Variants in DIP2C observed in about 807,000 individuals in gnomAD.
The protein encoded by DIP2C is DIP2 acetate--CoA ligase C (putative).
Under a neutral mutation model 192.4 loss-of-function variants are expected in DIP2C, and 33 were observed. The observed-to-expected ratio is 0.17, with a 90% CI of 0.13 to 0.23. The LOEUF (loss-of-function observed/expected upper bound fraction) is 0.23. Ranked by LOEUF, DIP2C falls within the 10% of genes least tolerant of loss-of-function variation. The pLI is 1.00. For synonymous variants in DIP2C, 979 were observed against 864.1 expected, an observed-to-expected ratio of 1.13 and a Z score of -2.33; for missense variants, 1,537 against 2,110.1, an observed-to-expected ratio of 0.73 and a Z score of 5.32.
At chr10:343,859 C>G (rs969648366) in intron 28 of DIP2C, among the ~76,000 whole-genome samples, 1 of 152,118 alleles carries the variant, frequency 6.6e-6, no homozygotes, top group Non-Finnish European at 1.5e-5. Flanking sequence ...GGAGATGAAC[C>G]GAAGAGTAAG....
At chr10:610,066 G>A (rs998992898) in intron 1 of DIP2C, among the ~76,000 whole-genome samples, 3 of 152,186 alleles carry the variant, frequency 2.0e-5, no homozygotes, top group Non-Finnish European at 2.9e-5. Flanking sequence ...GCCAAGATCC[G>A]GAATCACCTG....
intron 1 of DIP2C, among the ~76,000 whole-genome samples, chr10:524,006 T>G (rs1020607751): frequency 1.3e-5 from 2 of 152,156 alleles, no homozygotes; most frequent in Non-Finnish European, 2.9e-5. Context: ...TGGCTGGGGC[T>G]TCCCATAAGC....
chr10:332,978 A>G (rs1957570444), intron 29 of DIP2C, among the ~76,000 whole-genome samples: 1 of 152,164 alleles, frequency 6.6e-6, no homozygotes, highest in Non-Finnish European at 1.5e-5. Flanking sequence ...TCTTGGCTCA[A>G]TGCAACCTCT....
rs1169569129 is a variant in DIP2C, at chr10:436,858, C to A, written c.394+4013G>T. 8.2e-5 allele frequency among the ~76,000 whole-genome samples: 12 copies of A among 146,278 alleles called. No individual in the cohort carries two copies. In the East Asian group the frequency reaches 1.6e-3, roughly 20 times the overall value. ...ACACCTGAGCTCTCTCTGAGCTCCA[C>A]CTCCTGGACATGGTAGGGTGATATG... On this transcript the variant is annotated intron_variant, in intron 4 of 36. Transcript: ENST00000280886.
chr10:610,145 G>C (rs1199478919), intron 1 of DIP2C, among the ~76,000 whole-genome samples: 1 of 152,168 alleles, frequency 6.6e-6, no homozygotes, highest in Non-Finnish European at 1.5e-5. Context: ...CCACCACACA[G>C]AGGAGAGAGC....
At chr10:631,692 G>T (rs769006995) in intron 1 of DIP2C, among the ~76,000 whole-genome samples, 24 of 152,084 alleles carry the variant, frequency 1.6e-4, no homozygotes, top group Non-Finnish European at 3.1e-4. Flanking sequence ...CACTTCTCCA[G>T]CCAACCCCTT....
At chr10:479,330 T>TTC in intron 2 of DIP2C, among the ~76,000 whole-genome samples, 1 of 110,842 alleles carries the variant, frequency 9.0e-6, no homozygotes, top group Non-Finnish European at 1.7e-5. Flanking sequence ...TCACACTGCT[T>TTC]TTTTTTTTTT....
chr10:287,109 CT>C (rs111949962), intron 33 of DIP2C, among the ~76,000 whole-genome samples: 63 of 146,810 alleles, frequency 4.3e-4, no homozygotes, highest in African/African-American at 3.7e-4. Flanking sequence ...GCATTTCCTT[CT>C]TTTTTTTTTT....
At chr10:348,455 C>A (rs868341008) in intron 26 of DIP2C, among the ~76,000 whole-genome samples, 186 bp downstream of exon 26, 1 of 152,288 alleles carries the variant, frequency 6.6e-6, no homozygotes, top group Middle Eastern at 3.4e-3. Flanking sequence ...CACACGTTTA[C>A]ATCTCGCTTC....
chr10:345,582 T>C (rs78620017), intron 26 of DIP2C, among the ~76,000 whole-genome samples: 855 of 67,868 alleles, frequency 0.013, no homozygotes, highest in Middle Eastern at 0.016. Context: ...CCAGACACAC[T>C]GCGCATAGTT....
At chr10:481,528 G>C (rs1843606418) in intron 2 of DIP2C, among the ~76,000 whole-genome samples, 1 of 152,210 alleles carries the variant, frequency 6.6e-6, no homozygotes, top group South Asian at 2.1e-4. Context: ...GTTCTGAAAA[G>C]ATAATAAAAT....
chr10:383,581 T>C (rs1454217133), intron 16 of DIP2C, among the ~76,000 whole-genome samples: 3 of 152,238 alleles, frequency 2.0e-5, no homozygotes, highest in Admixed American at 6.5e-5. Context: ...ATTAATTTAC[T>C]GATCAAGAAA....
chr10:485,330 A>C (rs746434721), intron 2 of DIP2C, among the ~76,000 whole-genome samples: 6 of 152,178 alleles, frequency 3.9e-5, no homozygotes, highest in Non-Finnish European at 5.9e-5. Context: ...AGAATGAGGG[A>C]GGGGGCGCAG....
chr10:539,053 T>C (rs913179942), intron 1 of DIP2C, among the ~76,000 whole-genome samples: 37 of 152,196 alleles, frequency 2.4e-4, no homozygotes, highest in African/African-American at 8.9e-4. Context: ...ACGAGCTCAG[T>C]TGTCTGTTCA....
intron 1 of DIP2C, among the ~76,000 whole-genome samples, chr10:562,204 A>T (rs1447183542): frequency 6.6e-6 from 1 of 152,212 alleles, no homozygotes; most frequent in Non-Finnish European, 1.5e-5. Flanking sequence ...GCCGCATCTG[A>T]TGTTTAACAC....
intron 1 of DIP2C, among the ~76,000 whole-genome samples, chr10:593,243 A>T (rs1164636033): frequency 6.6e-6 from 1 of 152,008 alleles, no homozygotes; most frequent in African/African-American, 2.4e-5. Context: ...TCTCATCGTC[A>T]TCTGGGGCTC....
chr10:480,983 G>A (rs979185099), intron 2 of DIP2C, among the ~76,000 whole-genome samples: 1 of 152,198 alleles, frequency 6.6e-6, no homozygotes, highest in African/African-American at 2.4e-5. Flanking sequence ...CTGCCACATG[G>A]CCTGAGACCC....
At chr10:537,094 G>T (rs572895460) in intron 1 of DIP2C, among the ~76,000 whole-genome samples, 1 of 152,336 alleles carries the variant, frequency 6.6e-6, no homozygotes, top group East Asian at 1.9e-4. Context: ...GGTCCCAGGT[G>T]AAGTCTGATT....
intron 6 of DIP2C, among the ~76,000 whole-genome samples, chr10:418,819 T>C (rs1228093990): frequency 1.3e-5 from 2 of 152,270 alleles, no homozygotes; most frequent in Non-Finnish European, 2.9e-5. Context: ...TTTCTTTTTC[T>C]TCTCATGACT....
Sources: allele counts gnomAD v4.1 joint callset (sites outside exome capture counted in the v4.1 genomes callset), GRCh38; gene constraint gnomAD v4.1.1; transcripts MANE v1.5; gene names NCBI Gene and HGNC (gene_info 2026-07-23, HGNC 2026-07-21).